Variants in TCF20 observed in about 807,000 individuals in gnomAD.
TCF20 encodes the protein SPRE-binding protein.
In TCF20, 3 loss-of-function variants were observed where a neutral mutation model predicts 148.6. That is an observed-to-expected ratio of 0.02 (90% CI 0.01 to 0.05). The LOEUF (loss-of-function observed/expected upper bound fraction) is 0.05, where lower values mean the gene tolerates loss of function less well. Ranked by LOEUF, TCF20 falls within the 10% of genes least tolerant of loss-of-function variation. The pLI is 1.00. For missense variants in TCF20, 2,350 were observed against 2,429.3 expected (o/e 0.97, Z 0.69); for synonymous variants, 1,049 against 909.5 (o/e 1.15, Z -2.76).
chr22:42,296,443 T>A (rs989383805), intron 1 of TCF20, among the ~76,000 whole-genome samples: 1 of 152,118 alleles, frequency 6.6e-6, no homozygotes, highest in Non-Finnish European at 1.5e-5. Context: ...TGTGCCCGGC[T>A]CCCCAAGGGC....
intron 1 of TCF20, among the ~76,000 whole-genome samples, chr22:42,268,905 G>A (rs751313849): frequency 2.0e-5 from 3 of 152,168 alleles, no homozygotes; most frequent in East Asian, 1.9e-4. Flanking sequence ...AGCCAGCTAA[G>A]GTACAGTCTG....
chr22:42,285,398 A>G (rs1376648144), upstream of TCF20, among the ~76,000 whole-genome samples: 1 of 151,918 alleles, frequency 6.6e-6, no homozygotes, highest in African/African-American at 2.4e-5. The surrounding 1 kb of genome is among the most constrained non-coding windows in gnomAD (Gnocchi z 4.2). Flanking sequence ...CTAATCCTGG[A>G]GCTAGTATTC....
At chr22:42,196,417 G>A (rs1227776973) in intron 2 of TCF20, among the ~76,000 whole-genome samples, 1 of 152,108 alleles carries the variant, frequency 6.6e-6, no homozygotes, top group Non-Finnish European at 1.5e-5. Context: ...ATTTTTGAGG[G>A]GTTGCCCTTT....
At chr22:42,208,271 T>C (rs1938524643) in intron 2 of TCF20, among the ~76,000 whole-genome samples, 1 of 151,958 alleles carries the variant, frequency 6.6e-6, no homozygotes, top group Admixed American at 6.6e-5. Context: ...TAAAAGTCAG[T>C]ACATTCAGAG....
chr22:42,168,135 A>C (rs920414125), intron 5 of TCF20, among the ~76,000 whole-genome samples: 2 of 152,172 alleles, frequency 1.3e-5, no homozygotes, highest in Middle Eastern at 3.2e-3. Context: ...TAATACTGGA[A>C]AAAAAAGATT....
At chr22:42,264,136 T>A (rs945774149) in intron 1 of TCF20, among the ~76,000 whole-genome samples, 26 of 151,912 alleles carry the variant, frequency 1.7e-4, no homozygotes, top group Non-Finnish European at 3.8e-4. Context: ...ATCCGCACAG[T>A]TCCCTCCCTT....
At chr22:42,270,844 C>A (rs1926587351), upstream of TCF20, among the ~76,000 whole-genome samples, 1 of 150,180 alleles carries the variant, frequency 6.7e-6, no homozygotes, top group African/African-American at 2.4e-5. Context: ...TCGCGAAGAC[C>A]CCCACCTCGC....
intron 2 of TCF20, among the ~76,000 whole-genome samples, chr22:42,182,822 C>T (rs763317570): frequency 3.3e-5 from 5 of 152,190 alleles, no homozygotes; most frequent in African/African-American, 1.2e-4. Flanking sequence ...CTGCAACCTC[C>T]GACTCCCATG....
At chr22:42,269,610 C>G (rs1926481141) in intron 1 of TCF20, 1 of 152,324 alleles carries the variant, frequency 6.6e-6, no homozygotes, top group Admixed American at 6.5e-5. Flanking sequence ...GCCTCAGGTC[C>G]CCAAACGAGC....
upstream of TCF20, chr22:42,275,128 GAC>G (rs1394030340): frequency 6.6e-6 from 1 of 152,254 alleles, no homozygotes; most frequent in Non-Finnish European, 1.5e-5. Context: ...ACACTGGAAA[GAC>G]AGAGATGGAC....
intron 1 of TCF20, among the ~76,000 whole-genome samples, chr22:42,328,989 C>T (rs576335748): frequency 6.6e-6 from 1 of 152,348 alleles, no homozygotes; most frequent in East Asian, 1.9e-4. Context: ...CCGGCTGGAG[C>T]CTGCTCTGTC....
rs1927110929 is a variant in TCF20 at position 42,290,332 on chromosome 22, C to A, written c.-37+53147G>T. 6.6e-6 allele frequency among the ~76,000 whole-genome samples: 1 copy of A among 152,236 alleles called. No homozygotes were observed. The highest frequency in any genetic ancestry group is 2.4e-5 in the African/African-American group (1 of 41,458). ...GCCGTCTGATGTCCTCTCAACACAG[C>A]AGAGCTCCGAGGAACTGGCAGCCAG... On this transcript the variant is annotated intron_variant, in intron 1 of 1. Transcript: ENST00000515426. This position sits in a 1 kb window ranked among gnomAD's most constrained non-coding sequence, Gnocchi z 4.2.
chr22:42,224,531 G>GTA (rs1922678138), intron 1 of TCF20, among the ~76,000 whole-genome samples: 1 of 40,536 alleles, frequency 2.5e-5, no homozygotes, highest in Admixed American at 3.8e-4. Flanking sequence ...GCTAAAGCTG[G>GTA]TACAAAAAAA....
At chr22:42,215,862 T>C (rs1370079085) in intron 1 of TCF20, among the ~76,000 whole-genome samples, 1 of 151,994 alleles carries the variant, frequency 6.6e-6, no homozygotes, top group African/African-American at 2.4e-5. Context: ...GAATCTGTAG[T>C]AGAATGAAAA....
Position 42,215,100 on chromosome 22 carries a change from A to G in TCF20, c.206T>C (p.Met69Thr). 6.2e-7 allele frequency: 1 copy of G among 1,614,122 alleles called. No homozygotes were observed. The highest frequency in any genetic ancestry group is 8.5e-7 in the Non-Finnish European group (1 of 1,180,004). ...TTGATGGCCAGAGGTCTCGCTAGCC[A>G]TCGCTGCCGCAGCAGCTGCTGCTCC... Reference protein sequence around the residue: ...RRGAAAAAAAMASETSGHQGY... With the variant: ...RRGAAAAAAATASETSGHQGY... The change falls in exon 2 of 6, where the codon ATG becomes ACG. Residue 69 changes from methionine (M) to threonine (T), a missense_variant. Met to Thr is a moderately conservative substitution (Grantham distance 81). Coordinates refer to ENST00000677622, the MANE Select transcript of TCF20 (RefSeq NM_001378418.1).
chr22:42,204,494 C>CA (rs1191243764), intron 2 of TCF20, among the ~76,000 whole-genome samples: 4 of 147,980 alleles, frequency 2.7e-5, no homozygotes, highest in Non-Finnish European at 6.0e-5. Context: ...GACCCTGTCT[C>CA]AAAAAATCAA....
intron 2 of TCF20, among the ~76,000 whole-genome samples, chr22:42,203,157 C>G (rs1938155624): frequency 6.6e-6 from 1 of 151,882 alleles, no homozygotes. Context: ...TTTTTCTCTA[C>G]TTATTTATTT....
At chr22:42,325,403 G>C (rs1406463223) in intron 1 of TCF20, among the ~76,000 whole-genome samples, 2 of 151,972 alleles carry the variant, frequency 1.3e-5, no homozygotes, top group Non-Finnish European at 2.9e-5. Context: ...GGGGCCCTTG[G>C]GGCCAGGCCC....
chr22:42,336,015 C>A (rs921148928), intron 1 of TCF20, among the ~76,000 whole-genome samples: 1 of 152,242 alleles, frequency 6.6e-6, no homozygotes, highest in Non-Finnish European at 1.5e-5. Context: ...CAACCTGCCA[C>A]CATGCAGGCT....
Sources: gnomAD v4.1 joint callset for allele counts (sites outside exome capture counted in the v4.1 genomes callset) on GRCh38, gnomAD v4.1.1 for gene constraint, Gnocchi (gnomAD v3.1) non-coding constraint, MANE v1.5 for transcripts, NCBI Gene and HGNC (gene_info 2026-07-23, HGNC 2026-07-21) for gene names.